The following ASPRV1 variants were observed in gnomAD, a reference collection of about 807,000 sequenced individuals.
ASPRV1 encodes aspartic peptidase retroviral like 1.
In ASPRV1, 7 loss-of-function variants were observed where a neutral mutation model predicts 11.0. That is an observed-to-expected ratio of 0.64 (90% CI 0.36 to 1.20). ASPRV1 has a LOEUF of 1.20. Ranked by LOEUF, ASPRV1 falls within the 50% of genes most tolerant of loss-of-function variation. The pLI is 0.02. For synonymous variants in ASPRV1, 136 were observed against 138.4 expected (o/e 0.98, Z 0.12); for missense variants, 299 against 320.0 (o/e 0.93, Z 0.50).
the ASPRV1 span, among the ~76,000 whole-genome samples, chr2:70,077,037 C>CT: frequency 7.9e-5 from 12 of 152,266 alleles, no homozygotes; most frequent in African/African-American, 2.9e-4. Context: ...ACCGGCAAAA[C>CT]TTAGGTGTCA....
In ASPRV1 at chr2:69,960,481, AGCCTCCCCTACCAGGG is replaced by A; in HGVS notation, c.*160_*175del. On this transcript the variant is annotated 3_prime_UTR_variant, in exon 1 of 1. Transcript: ENST00000320256. ...CCCTCACCTGTGCCTGTTCAGTGGAAGCCTCCCCTACCAGGGGCAGATTAAGGCCCCTGCAGAGGGA... is the reference window on the plus strand; with the variant it reads ...CCCTCACCTGTGCCTGTTCAGTGGAAGCAGATTAAGGCCCCTGCAGAGGGA... The A allele has an allele frequency of 1.5e-6, 1 of 663,810 alleles. No individual in the cohort carries two copies. The highest frequency in any genetic ancestry group is 2.5e-6 in the Non-Finnish European group (1 of 397,352). The allele number at this position is 663,810 out of a possible 1,614,324, so 41.1% of individuals were successfully genotyped here.
At chr2:69,948,901 A>G in the ASPRV1 span, among the ~76,000 whole-genome samples, 2 of 138,892 alleles carry the variant, frequency 1.4e-5, no homozygotes, top group African/African-American at 5.5e-5. Context: ...CCCTCTCCTC[A>G]CTCTTCCCTG....
At chr2:70,011,428 G>A in the ASPRV1 span, among the ~76,000 whole-genome samples, 3 of 152,158 alleles carry the variant, frequency 2.0e-5, no homozygotes, top group Non-Finnish European at 4.4e-5. Context: ...TGGTGGTGGG[G>A]CTGGAGAGCA....
chr2:69,956,300 G>A (rs559423078), downstream of ASPRV1, among the ~76,000 whole-genome samples: 109 of 152,084 alleles, frequency 7.2e-4, no homozygotes, highest in South Asian at 0.022. Flanking sequence ...CCAGCTAATA[G>A]GTATAGAAGG....
the ASPRV1 span, chr2:70,086,636 C>G: frequency 2.0e-5 from 3 of 152,302 alleles, no homozygotes; most frequent in East Asian, 3.9e-4. Flanking sequence ...AGCCCCTGAA[C>G]AAACGAGGCC....
At chr2:69,942,056 C>A in the ASPRV1 span, 1 of 152,064 alleles carries the variant, frequency 6.6e-6, no homozygotes, top group Non-Finnish European at 1.5e-5. Context: ...TCTTTGTTTC[C>A]CCAAGTTTGT....
At chr2:70,079,496 A>G in the ASPRV1 span, among the ~76,000 whole-genome samples, 1 of 152,112 alleles carries the variant, frequency 6.6e-6, no homozygotes, top group South Asian at 2.1e-4. Context: ...CCTGAAAGAG[A>G]GCACCTAGGA....
chr2:70,001,923 G>T, the ASPRV1 span, among the ~76,000 whole-genome samples: 1 of 151,872 alleles, frequency 6.6e-6, no homozygotes, highest in Non-Finnish European at 1.5e-5. Flanking sequence ...TCATTGACAA[G>T]AAAAAATGTT....
the ASPRV1 span, among the ~76,000 whole-genome samples, chr2:70,040,812 T>G: frequency 6.6e-6 from 1 of 152,094 alleles, no homozygotes; most frequent in African/African-American, 2.4e-5. Context: ...CCAGCCTGGG[T>G]GACAGAGTGA....
the ASPRV1 span, chr2:69,994,145 G>A: frequency 9.1e-4 from 139 of 152,420 alleles, no homozygotes; most frequent in African/African-American, 3.2e-3. Context: ...CTGGTAAGAT[G>A]TTTCTGTCGT....
chr2:70,038,490 G>A, the ASPRV1 span, among the ~76,000 whole-genome samples: 1 of 152,138 alleles, frequency 6.6e-6, no homozygotes, highest in African/African-American at 2.4e-5. Context: ...TAAGGTGGGA[G>A]GATTGCCTGA....
the ASPRV1 span, among the ~76,000 whole-genome samples, chr2:70,007,597 T>C: frequency 7.9e-5 from 12 of 151,470 alleles, no homozygotes; most frequent in African/African-American, 2.7e-4. Context: ...ATATATATAA[T>C]AGAAAAATTG....
the ASPRV1 span, among the ~76,000 whole-genome samples, chr2:70,055,187 C>T: frequency 4.6e-5 from 7 of 152,086 alleles, no homozygotes; most frequent in African/African-American, 1.7e-4. Flanking sequence ...CCTGTAATCC[C>T]AGCTACTCAG....
At chr2:69,985,290 C>T in the ASPRV1 span, among the ~76,000 whole-genome samples, 1 of 152,102 alleles carries the variant, frequency 6.6e-6, no homozygotes, top group Non-Finnish European at 1.5e-5. Flanking sequence ...ACCTCAGGGA[C>T]AGATTGCTGA....
chr2:70,061,081 T>G, the ASPRV1 span, among the ~76,000 whole-genome samples: 1 of 151,858 alleles, frequency 6.6e-6, no homozygotes, highest in Non-Finnish European at 1.5e-5. Context: ...CAAAAGGAGA[T>G]AATGCTTACT....
the ASPRV1 span, among the ~76,000 whole-genome samples, chr2:69,999,212 TCCTCCTG>T: frequency 2.0e-5 from 3 of 151,986 alleles, no homozygotes; most frequent in Non-Finnish European, 4.4e-5. Flanking sequence ...GCCTGAGCAT[TCCTCCTG>T]CCTCCGCCTC....
the ASPRV1 span, among the ~76,000 whole-genome samples, chr2:69,989,621 C>A: frequency 6.6e-6 from 1 of 152,226 alleles, no homozygotes; most frequent in South Asian, 2.1e-4. Flanking sequence ...GCACAGCCGC[C>A]CCCAGAGTAA....
the ASPRV1 span, chr2:69,975,332 C>A: frequency 6.5e-6 from 1 of 152,682 alleles, no homozygotes; most frequent in African/African-American, 2.4e-5. Flanking sequence ...ACAGCAAGAG[C>A]CCAGCCTGCA....
chr2:70,031,989 T>C, the ASPRV1 span: 2 of 152,220 alleles, frequency 1.3e-5, no homozygotes, highest in Non-Finnish European at 2.9e-5. Context: ...AGAGTCGTGA[T>C]TGGCCTGGAT....
Sources: allele counts gnomAD v4.1 joint callset (sites outside exome capture counted in the v4.1 genomes callset), GRCh38; gene constraint gnomAD v4.1.1; transcripts MANE v1.5; gene names NCBI Gene and HGNC (gene_info 2026-07-23, HGNC 2026-07-21).